The following SLC6A7 variants were observed in gnomAD, a reference collection of about 807,000 sequenced individuals.
SLC6A7 encodes the protein sodium-dependent proline transporter.
In SLC6A7, 58 loss-of-function variants were observed where a neutral mutation model predicts 73.1. The observed-to-expected ratio is 0.79, with a 90% CI of 0.64 to 0.99. The LOEUF (loss-of-function observed/expected upper bound fraction) is 0.99, where lower values mean the gene tolerates loss of function less well. SLC6A7 is among the 50% of genes least tolerant of loss of function. The probability of loss-of-function intolerance (pLI) is 0.00; values close to 1 mark genes in which losing one functional copy is unlikely to be tolerated. For synonymous variants in SLC6A7, 338 were observed against 338.7 expected (o/e 1.00, Z 0.02); for missense variants, 783 against 831.4 (o/e 0.94, Z 0.72).
chr5:150,197,348 C>A (rs1753088289), intron 4 of SLC6A7, 72 bp downstream of exon 4: 1 of 1,010,930 alleles, frequency 9.9e-7, no homozygotes, highest in Non-Finnish European at 1.5e-6. Context: ...GGGCATCCCC[C>A]ACAGTCTCAG....
chr5:150,205,412 T>C (rs1214881341), intron 12 of SLC6A7, 44 bp from the exon 13 acceptor site: 1 of 1,544,620 alleles, frequency 6.5e-7, no homozygotes, highest in Non-Finnish European at 8.8e-7. Context: ...CTTAAGCAGT[T>C]TAGACAAAAG....
chr5:150,203,611 C>T (rs900851411), intron 8 of SLC6A7, 56 bp from the exon 9 acceptor site: 11 of 856,450 alleles, frequency 1.3e-5, no homozygotes, highest in South Asian at 2.7e-5. Flanking sequence ...TCTGAGTGTG[C>T]GTATGGGAGC....
chr5:150,191,968 C>T (rs983047235), intron 1 of SLC6A7, among the ~76,000 whole-genome samples: 3 of 151,926 alleles, frequency 2.0e-5, no homozygotes, highest in Non-Finnish European at 2.9e-5. Flanking sequence ...AATAAGGCAA[C>T]TGAGGCACAG....
Position 150,197,283 on chromosome 5 carries a change from C to A in SLC6A7, c.584+7C>A. The A allele has an allele frequency of 1.3e-6, 2 of 1,579,310 alleles. No individual in the cohort carries two copies. Among genetic ancestry groups the A allele is most frequent in the South Asian group, 1.1e-5 (1 of 87,148 alleles). ...CCAGCGAGGAGTACTGGAGGTCAGG[C>A]AGCTGCTGGCCCCGCGGCATCTGAG... On this transcript the variant is annotated splice_region_variant and intron_variant, in intron 4 of 13. Transcript: ENST00000230671.
rs141447694 is a variant in SLC6A7 at position 150,195,057 on chromosome 5, T to C, written c.217+146T>C. On this transcript the variant is annotated intron_variant, in intron 2 of 13. Transcript: ENST00000230671. ...AAAGTGGTTTATAGTAACTTGGGGCTGGGAGGAAGGAGTTTACCCTGTCTT... is the reference window on the plus strand; with the variant it reads ...AAAGTGGTTTATAGTAACTTGGGGCCGGGAGGAAGGAGTTTACCCTGTCTT... The C allele has an allele frequency of 4.8e-5, 31 of 643,130 alleles. 2 individuals are homozygous for C. In the Middle Eastern group the frequency reaches 2.6e-3, roughly 54 times the overall value. 39.8% of individuals were successfully genotyped at this position (643,130 alleles called of 1,614,324 possible).
At chr5:150,202,502 T>C in intron 7 of SLC6A7, 52 bp downstream of exon 7, 1 of 1,610,262 alleles carries the variant, frequency 6.2e-7, no homozygotes. Flanking sequence ...GGGAGGAGAG[T>C]GGCTGGCCAG....
rs1753045098 is a variant in SLC6A7 at position 150,196,774 on chromosome 5, C to T, written c.276C>T (p.Phe92=). 6.2e-7 allele frequency: 1 copy of T among 1,614,122 alleles called. No homozygotes were observed. The highest frequency in any genetic ancestry group is 8.5e-7 in the Non-Finnish European group (1 of 1,179,980). The change falls in exon 3 of 14, where the codon TTC becomes TTT. Residue 92 remains phenylalanine, a synonymous_variant. Coordinates refer to ENST00000230671, the MANE Select transcript of SLC6A7 (RefSeq NM_014228.5). Reference sequence around the variant, plus strand: ...CCATCTGTGGCATCCCCCTCTTCTTCCTGGAGCTCTCCCTGGGCCAGTTCT... The same window carrying T: ...CCATCTGTGGCATCCCCCTCTTCTTTCTGGAGCTCTCCCTGGGCCAGTTCT... The part of the protein sequence containing the change: ...MLAICGIPLF[F]LELSLGQFSS...
chr5:150,194,977 G>A, intron 2 of SLC6A7, 66 bp downstream of exon 2: 1 of 1,429,314 alleles, frequency 7.0e-7, no homozygotes, highest in South Asian at 1.2e-5. Context: ...GGTACAGTGA[G>A]CTTTTAGGTG....
rs1753063993 is a variant in SLC6A7, at chr5:150,197,033, C to T, written c.350-9C>T. 3.7e-6 allele frequency: 6 copies of T among 1,612,206 alleles called. No homozygotes were observed. The highest frequency in any genetic ancestry group is 1.1e-5 in the South Asian group (1 of 90,990). The stretch of plus-strand genomic sequence containing the variant: ...GCCTGGGCAGCCCAGCAGCCTCTCC[C>T]CACACCAGGCGCCGGCGCAGCCATG... On this transcript the variant is annotated splice_polypyrimidine_tract_variant and intron_variant, in intron 3 of 13. Transcript: ENST00000230671.
rs775035174 is a variant in SLC6A7, at chr5:150,196,820, G to A, written c.322G>A (p.Val108Ile). Residue 108 changes from valine to isoleucine, a missense_variant, in exon 3 of 14, where the codon GTC (valine) becomes ATC (isoleucine). Coordinates refer to ENST00000230671, the MANE Select transcript of SLC6A7 (RefSeq NM_014228.5). ...GQFSSLGPLAVWKISPLFKGA... is the reference protein window; with the variant it reads ...GQFSSLGPLAIWKISPLFKGA... ...GTTCTCCAGCCTAGGGCCCCTGGCT[G>A]TCTGGAAAATCAGCCCTCTCTTCAA... 1.2e-6 allele frequency: 2 copies of A among 1,614,076 alleles called. No individual in the cohort carries two copies. Among genetic ancestry groups the A allele is most frequent in the African/African-American group, 1.3e-5 (1 of 75,054 alleles).
At chr5:150,205,431 G>A in intron 12 of SLC6A7, 25 bp from the exon 13 acceptor site, 5 of 1,568,180 alleles carry the variant, frequency 3.2e-6, no homozygotes, top group Non-Finnish European at 4.3e-6. Context: ...AGCCCGCAGT[G>A]ATGCTGGGAG....
At chr5:150,208,990 G>C (rs535173403) in intron 13 of SLC6A7, among the ~76,000 whole-genome samples, 5 of 152,164 alleles carry the variant, frequency 3.3e-5, no homozygotes, top group African/African-American at 1.2e-4. Context: ...GAAGGCTCCC[G>C]GATTGGCATT....
intron 2 of SLC6A7, among the ~76,000 whole-genome samples, chr5:150,196,344 C>T (rs561116130): frequency 6.6e-6 from 1 of 152,256 alleles, no homozygotes; most frequent in South Asian, 2.1e-4. Flanking sequence ...TCTGAGGCGG[C>T]ATGGTGGGGA....
intron 5 of SLC6A7, among the ~76,000 whole-genome samples, chr5:150,200,268 G>A (rs1356628864): frequency 6.6e-6 from 1 of 152,186 alleles, no homozygotes; most frequent in Non-Finnish European, 1.5e-5. Context: ...CGAGGTGGGT[G>A]GATCACCTGA....
chr5:150,202,238 C>T (rs1753419870), intron 6 of SLC6A7, 109 bp from the exon 7 acceptor site: 1 of 766,298 alleles, frequency 1.3e-6, no homozygotes, highest in South Asian at 1.6e-5. Flanking sequence ...ACCACGCCAT[C>T]CCTCGTGACC....
intron 13 of SLC6A7, among the ~76,000 whole-genome samples, chr5:150,208,603 G>A (rs775667094): frequency 6.6e-6 from 1 of 152,170 alleles, no homozygotes; most frequent in Non-Finnish European, 1.5e-5. Flanking sequence ...TGTGAGTACC[G>A]AGCTGTGGGA....
Position 150,201,084 on chromosome 5 carries a change from C to T in SLC6A7, c.724-5C>T. 1 of 1,613,622 alleles carries T rather than the reference C, an allele frequency of 6.2e-7. No homozygotes were observed. Among genetic ancestry groups the T allele is most frequent in the Non-Finnish European group, 8.5e-7 (1 of 1,179,702 alleles). ...GCCATCAGCTCCTCACTTATCATCT[C>T]TCAGGTGGTGTATTTCACGGCCACG... is the stretch of plus-strand genomic sequence containing the variant. On this transcript the variant is annotated splice_polypyrimidine_tract_variant and splice_region_variant and intron_variant, in intron 5 of 13. Coordinates refer to ENST00000230671, the MANE Select transcript of SLC6A7 (RefSeq NM_014228.5).
chr5:150,198,811 GGTGTGTGTGTGT>G lies in SLC6A7; in HGVS notation c.585-375_585-364del, dbSNP rs774414750. On this transcript the variant is annotated intron_variant, in intron 4 of 13. Coordinates refer to ENST00000230671, the MANE Select transcript of SLC6A7 (RefSeq NM_014228.5). ...ACACAGTCATGGCCAGGCCCTGGAT[GGTGTGTGTGTGT>G]GTGTGTGTGTGTGTGTGTGTGTGTG... Among the ~76,000 whole-genome samples the G allele has an allele frequency of 2.0e-3, 222 of 112,094 alleles. 1 individual carries two copies. Among genetic ancestry groups the G allele is most frequent in the African/African-American group, 3.6e-3 (110 of 30,658 alleles). 73.5% of individuals were successfully genotyped at this position (112,094 alleles called of 152,430 possible).
intron 13 of SLC6A7, among the ~76,000 whole-genome samples, chr5:150,208,608 G>A (rs901631097): frequency 6.6e-6 from 1 of 152,228 alleles, no homozygotes; most frequent in African/African-American, 2.4e-5. Context: ...GTACCGAGCT[G>A]TGGGAGACCC....
Sources: allele counts gnomAD v4.1 joint callset (sites outside exome capture counted in the v4.1 genomes callset), GRCh38; gene constraint gnomAD v4.1.1; transcripts MANE v1.5; gene names NCBI Gene and HGNC (gene_info 2026-07-23, HGNC 2026-07-21).